The following BRINP1 variants were observed in gnomAD, a reference collection of about 807,000 sequenced individuals.
BRINP1 encodes BMP/retinoic acid inducible neural specific 1.
BRINP1 carries 17 observed loss-of-function variants against 72.9 expected under a neutral mutation model. The observed-to-expected ratio is 0.23, with a 90% CI of 0.16 to 0.35. BRINP1 has a LOEUF of 0.35. Ranked by LOEUF, BRINP1 falls within the 10% of genes least tolerant of loss-of-function variation. BRINP1 has a pLI of 1.00. For synonymous variants in BRINP1, 418 were observed against 378.5 expected (o/e 1.10, Z -1.21); for missense variants, 850 against 1,001.6 (o/e 0.85, Z 2.04).
chr9:119,338,611 G>A (rs1197565606), intron 1 of BRINP1, among the ~76,000 whole-genome samples: 3 of 151,114 alleles, frequency 2.0e-5, no homozygotes, highest in Admixed American at 6.6e-5. Context: ...GGTGGCTCAC[G>A]CCTGTAATCC....
intron 2 of BRINP1, among the ~76,000 whole-genome samples, chr9:119,292,494 C>T (rs1423275801): frequency 6.6e-6 from 1 of 152,048 alleles, no homozygotes. Context: ...GTGGTTGGTA[C>T]AAAATACAGG....
At chr9:119,321,717 A>G (rs1564247808) in intron 1 of BRINP1, among the ~76,000 whole-genome samples, 1 of 152,204 alleles carries the variant, frequency 6.6e-6, no homozygotes, top group Non-Finnish European at 1.5e-5. Flanking sequence ...GGCCTCCCAA[A>G]GTGCTGGGAT....
chr9:119,166,944 C>G lies in BRINP1; in HGVS notation c.*140G>C, dbSNP rs1564206649. 1 of 943,526 alleles carries G rather than the reference C, an allele frequency of 1.1e-6. No individual in the cohort carries two copies. Among genetic ancestry groups the G allele is most frequent in the Non-Finnish European group, 1.6e-6 (1 of 629,082 alleles). The allele number at this position is 943,526 out of a possible 1,614,324, so 58.4% of individuals were successfully genotyped here. On this transcript the variant is annotated 3_prime_UTR_variant, in exon 8 of 8. Coordinates refer to ENST00000265922, the MANE Select transcript of BRINP1 (RefSeq NM_014618.3). ...GTTGCTAGAACGTTTTCATTTCCAA[C>G]AAATGAAGATTTTCCTCCTTTTCTT...
intron 7 of BRINP1, among the ~76,000 whole-genome samples, chr9:119,176,256 C>A (rs1829488161): frequency 6.6e-6 from 1 of 152,072 alleles, no homozygotes; most frequent in African/African-American, 2.4e-5. Context: ...TCAAGAGCAC[C>A]TTTCCTAAGG....
chr9:119,220,572 C>A (rs1239935136), intron 5 of BRINP1, among the ~76,000 whole-genome samples: 2 of 151,954 alleles, frequency 1.3e-5, no homozygotes, highest in Non-Finnish European at 2.9e-5. Context: ...ATGCTTCCCA[C>A]CTCCTAAAGA....
intron 2 of BRINP1, among the ~76,000 whole-genome samples, chr9:119,251,952 G>C (rs1830393718): frequency 6.6e-6 from 1 of 152,110 alleles, no homozygotes; most frequent in African/African-American, 2.4e-5. Flanking sequence ...TTCTCTCTCT[G>C]TGTGTCTCTG....
At chr9:119,355,740 A>AC (rs1256995582) in intron 1 of BRINP1, among the ~76,000 whole-genome samples, 1 of 151,848 alleles carries the variant, frequency 6.6e-6, no homozygotes, top group Admixed American at 6.6e-5. Context: ...AAAAAAAAAA[A>AC]AAAAAGATAC....
At chr9:119,272,052 A>G (rs191701559) in intron 2 of BRINP1, among the ~76,000 whole-genome samples, 3,452 of 147,922 alleles carry the variant, frequency 0.023, 108 homozygotes, top group African/African-American at 0.079. Flanking sequence ...AGTGGGAGAA[A>G]TTATTATTTA....
chr9:119,221,403 C>T (rs1480413181), intron 5 of BRINP1, among the ~76,000 whole-genome samples: 1 of 152,118 alleles, frequency 6.6e-6, no homozygotes, highest in Non-Finnish European at 1.5e-5. Flanking sequence ...TGAAGGCATG[C>T]AGGTCAATTA....
At chr9:119,310,024 A>G (rs1470317939) in intron 2 of BRINP1, among the ~76,000 whole-genome samples, 2 of 152,010 alleles carry the variant, frequency 1.3e-5, no homozygotes, top group Non-Finnish European at 2.9e-5. Flanking sequence ...AAATCTCTAG[A>G]CTCCAGACCC....
chr9:119,355,342 G>T (rs1831550437), intron 1 of BRINP1, among the ~76,000 whole-genome samples: 1 of 152,154 alleles, frequency 6.6e-6, no homozygotes, highest in African/African-American at 2.4e-5. Context: ...CTTACTATAT[G>T]TGAGGCATGT....
chr9:119,282,799 T>C (rs1336681443), intron 2 of BRINP1: 1 of 985,110 alleles, frequency 1.0e-6, no homozygotes, highest in Non-Finnish European at 1.2e-6. Context: ...GTTTTTCATG[T>C]TGAGTGAAAC....
chr9:119,206,491 C>T (rs73530274), intron 7 of BRINP1, among the ~76,000 whole-genome samples: 2,810 of 149,972 alleles, frequency 0.019, 69 homozygotes, highest in African/African-American at 0.058. Context: ...GGAAAGACTA[C>T]GTGGAAACAC....
intron 7 of BRINP1, among the ~76,000 whole-genome samples, chr9:119,169,802 T>A (rs1829378972): frequency 6.6e-6 from 1 of 152,166 alleles, no homozygotes; most frequent in Non-Finnish European, 1.5e-5. Flanking sequence ...GCAGACTGCC[T>A]CCTCAAGTGG....
chr9:119,238,960 C>A (rs1830219236), intron 4 of BRINP1, among the ~76,000 whole-genome samples, 200 bp from the exon 5 acceptor site: 1 of 152,184 alleles, frequency 6.6e-6, no homozygotes, highest in Non-Finnish European at 1.5e-5. Context: ...GGTGGTCAAG[C>A]ATACAGAGTG....
intron 7 of BRINP1, among the ~76,000 whole-genome samples, chr9:119,170,920 CAAGCAAATGCT>C (rs1829400632): frequency 8.1e-6 from 1 of 123,288 alleles, no homozygotes; most frequent in African/African-American, 3.4e-5. Context: ...ACTTTACAGA[CAAGCAAATGCT>C]GAGAGATTTT....
intron 7 of BRINP1, among the ~76,000 whole-genome samples, chr9:119,206,198 C>T (rs1225831660): frequency 6.6e-6 from 1 of 151,918 alleles, no homozygotes; most frequent in Non-Finnish European, 1.5e-5. Context: ...GGTGGATCAC[C>T]TGACGCCAAG....
At chr9:119,224,093 T>C (rs1460387855) in intron 5 of BRINP1, among the ~76,000 whole-genome samples, 1 of 152,080 alleles carries the variant, frequency 6.6e-6, no homozygotes, top group East Asian at 1.9e-4. Context: ...TACCACTTTA[T>C]TAAGCCAGTT....
At chr9:119,214,949 G>T (rs963931705) in intron 5 of BRINP1, among the ~76,000 whole-genome samples, 3 of 152,196 alleles carry the variant, frequency 2.0e-5, no homozygotes, top group Admixed American at 6.5e-5. Flanking sequence ...GAGAGGGACA[G>T]AGGCCAGTGT....
Sources: allele counts gnomAD v4.1 joint callset (sites outside exome capture counted in the v4.1 genomes callset), GRCh38; gene constraint gnomAD v4.1.1; transcripts MANE v1.5; gene names NCBI Gene and HGNC (gene_info 2026-07-23, HGNC 2026-07-21).